Variants in RNF26 observed in about 807,000 individuals in gnomAD.
RNF26 encodes E3 ubiquitin-protein ligase RNF26.
In RNF26, 8 loss-of-function variants were observed where a neutral mutation model predicts 25.4. That is an observed-to-expected ratio of 0.31 (90% confidence interval 0.18 to 0.57). The LOEUF is 0.57. Ranked by LOEUF, RNF26 falls within the 20% of genes least tolerant of loss-of-function variation. RNF26 has a pLI of 0.90. For missense variants in RNF26, 470 were observed against 552.0 expected, an observed-to-expected ratio of 0.85 and a Z score of 1.49; for synonymous variants, 262 against 246.7, an observed-to-expected ratio of 1.06 and a Z score of -0.58.
Position 119,336,180 on chromosome 11 carries a change from G to A in RNF26, c.1058G>A (p.Arg353Gln), listed in dbSNP as rs1283818477. 4 of 1,614,110 alleles carry A rather than the reference G, an allele frequency of 2.5e-6. No individual in the cohort carries two copies. Among genetic ancestry groups the A allele is most frequent in the Non-Finnish European group, 3.4e-6 (4 of 1,180,028 alleles). ...RTIRVTPVRG[R>Q]ERLNEEEPPG... ...ATCAGAGTGACACCTGTCAGGGGCC[G>A]AGAGAGGCTCAATGAGGAGGAGCCT... The change falls in exon 1 of 1, where the codon CGA becomes CAA. Residue 353 changes from arginine to glutamine, a missense_variant. Transcript: ENST00000311413.
In RNF26 at chr11:119,335,772, C is replaced by T; in HGVS notation, c.650C>T (p.Ala217Val). 1 of 1,614,120 alleles carries T rather than the reference C, an allele frequency of 6.2e-7. No homozygotes were observed. The highest frequency in any genetic ancestry group is 2.2e-5 in the East Asian group (1 of 44,884). The change falls in exon 1 of 1, where the codon GCC (alanine) becomes GTC (valine). Residue 217 changes from alanine (A) to valine (V), a missense_variant. Physicochemically the swap from Ala to Val is moderately conservative, Grantham distance 64. Coordinates refer to ENST00000311413, the MANE Select transcript of RNF26 (RefSeq NM_032015.5). ...GCCCTGGAGCTGCTGGCCTCAGCTG[C>T]CCGCCTCCTGGCCAGCTTTGTGCTT... ...QLALELLASA[A>V]RLLASFVLVN... is the part of the protein sequence containing the mutation.
Position 119,335,080 on chromosome 11 carries a change from G to T in RNF26, c.-43G>T, listed in dbSNP as rs1283635876. The T allele has an allele frequency of 6.6e-7, 1 of 1,520,880 alleles. No individual in the cohort carries two copies. The highest frequency in any genetic ancestry group is 1.2e-5 in the South Asian group (1 of 84,594). 94.2% of individuals were successfully genotyped at this position (1,520,880 alleles called of 1,614,324 possible). A position where few individuals can be genotyped will look rare whatever the true frequency, so the allele number is the denominator to read the frequency against. ...TGACAACCTTGACAACCCCCCAACCGAGGAGCCAGACTTTGTTTTGGACTA... is the reference window on the plus strand; with the variant it reads ...TGACAACCTTGACAACCCCCCAACCTAGGAGCCAGACTTTGTTTTGGACTA... On this transcript the variant is annotated 5_prime_UTR_variant, in exon 1 of 1. Coordinates refer to ENST00000311413, the MANE Select transcript of RNF26 (RefSeq NM_032015.5).
At position 119,335,908 on chromosome 11, in the gene RNF26, T is replaced by C. The variant is rs1334805728; in HGVS notation, c.786T>C (p.His262=). ...RLATQALSQL[H]ARPSYHRLRE... is the part of the protein sequence containing the mutation. The stretch of plus-strand genomic sequence containing the variant: ...CTACCCAGGCACTCAGCCAGCTCCA[T>C]GCCCGGCCATCCTACCACCGTCTTC... The change falls in exon 1 of 1, where the codon CAT becomes CAC. Residue 262 remains histidine, a synonymous_variant. Transcript: ENST00000311413. The C allele has an allele frequency of 6.2e-7, 1 of 1,610,058 alleles. No individual in the cohort carries two copies. The highest frequency in any genetic ancestry group is 8.5e-7 in the Non-Finnish European group (1 of 1,179,998).
chr11:119,335,343 G>A lies in RNF26; in HGVS notation c.221G>A (p.Arg74Gln), dbSNP rs780394425. 1.9e-5 allele frequency: 30 copies of A among 1,614,058 alleles called. No homozygotes were observed. The South Asian group carries it at 2.5e-4, about 14-fold the overall frequency. The change falls in exon 1 of 1, where the codon CGG (arginine) becomes CAG (glutamine). Residue 74 changes from arginine to glutamine, a missense_variant. Transcript: ENST00000311413. ...SLLALIEAVV[R>Q]FTCGGLQALC... ...CTGGCCTTGATCGAAGCCGTGGTCCGGTTCACATGTGGGGGCTTGCAGGCC... is the reference window on the plus strand; with the variant it reads ...CTGGCCTTGATCGAAGCCGTGGTCCAGTTCACATGTGGGGGCTTGCAGGCC...
chr11:119,336,161 G>A lies in RNF26; in HGVS notation c.1039G>A (p.Val347Met). Residue 347 changes from valine (V) to methionine (M), a missense_variant, in exon 1 of 1, where the codon GTG becomes ATG. By Grantham distance (21) the Val-to-Met change is conservative. Transcript: ENST00000311413. ...AGAGGAGGAGGCCAGGACCATCAGAGTGACACCTGTCAGGGGCCGAGAGAG... is the reference window on the plus strand; with the variant it reads ...AGAGGAGGAGGCCAGGACCATCAGAATGACACCTGTCAGGGGCCGAGAGAG... Reference protein sequence around the residue: ...AEEEEARTIRVTPVRGRERLN... With the variant: ...AEEEEARTIRMTPVRGRERLN... 1 of 1,614,198 alleles carries A rather than the reference G, an allele frequency of 6.2e-7. No homozygotes were observed. Among genetic ancestry groups the A allele is most frequent in the Admixed American group, 1.7e-5 (1 of 60,038 alleles).
In RNF26 at chr11:119,335,686, A is replaced by G. The variant is rs1317014359; in HGVS notation, c.564A>G (p.Leu188=). ...TGACGGACGTAGTGGCTGCCTTCCTAGCCCACATTTCCAGCAGTGCTGTGG... is the reference window on the plus strand; with the variant it reads ...TGACGGACGTAGTGGCTGCCTTCCTGGCCCACATTTCCAGCAGTGCTGTGG... ...WRMTDVVAAF[L]AHISSSAVAM... Residue 188 remains leucine (L), a synonymous_variant, in exon 1 of 1, where the codon CTA becomes CTG. Coordinates refer to ENST00000311413, the MANE Select transcript of RNF26 (RefSeq NM_032015.5). 6.2e-7 allele frequency: 1 copy of G among 1,614,126 alleles called. No homozygotes were observed. The highest frequency in any genetic ancestry group is 8.5e-7 in the Non-Finnish European group (1 of 1,179,988).
Position 119,336,154 on chromosome 11 carries a change from C to T in RNF26, c.1032C>T (p.Thr344=). 6.2e-7 allele frequency: 1 copy of T among 1,614,178 alleles called. No individual in the cohort carries two copies. The highest frequency in any genetic ancestry group is 8.5e-7 in the Non-Finnish European group (1 of 1,180,042). Residue 344 remains threonine, a synonymous_variant, in exon 1 of 1, where the codon ACC becomes ACT. Coordinates refer to ENST00000311413, the MANE Select transcript of RNF26 (RefSeq NM_032015.5). ...RSEAEEEEAR[T]IRVTPVRGRE... Reference sequence around the variant, plus strand: ...AGGCAGAAGAGGAGGAGGCCAGGACCATCAGAGTGACACCTGTCAGGGGCC... The same window carrying T: ...AGGCAGAAGAGGAGGAGGCCAGGACTATCAGAGTGACACCTGTCAGGGGCC...
Position 119,334,572 on chromosome 11 carries a change from T to C in RNF26, c.-551T>C. 6.2e-6 allele frequency: 1 copy of C among 162,172 alleles called. No homozygotes were observed. 10.0% of individuals were successfully genotyped at this position (162,172 alleles called of 1,614,324 possible). ...GCGGAGTAGGGGCTGCGCTTGGGGT[T>C]TGCTGAAGCTGGCTGCCTCTCCCAC... On this transcript the variant is annotated 5_prime_UTR_variant, in exon 1 of 1. Transcript: ENST00000311413.
In RNF26 at chr11:119,335,957, C is replaced by T. The variant is rs150176910; in HGVS notation, c.835C>T (p.Arg279Cys). 3.5e-5 allele frequency: 57 copies of T among 1,611,646 alleles called. No homozygotes were observed. Among genetic ancestry groups the T allele is most frequent in the Admixed American group, 2.0e-4 (12 of 60,032 alleles). ...TCGAGAGGATGTCATGCGGCTCTCT[C>T]GCCTAGCACTGGGCTCAGAGGCCTG... ...RLREDVMRLS[R>C]LALGSEAWRR... The change falls in exon 1 of 1, where the codon CGC becomes TGC. Residue 279 changes from arginine (R) to cysteine (C), a missense_variant. Coordinates refer to ENST00000311413, the MANE Select transcript of RNF26 (RefSeq NM_032015.5).
chr11:119,335,218 C>T lies in RNF26; in HGVS notation c.96C>T (p.Leu32=), dbSNP rs746038877. Residue 32 remains leucine, a synonymous_variant, in exon 1 of 1, where the codon CTC becomes CTT. Coordinates refer to ENST00000311413, the MANE Select transcript of RNF26 (RefSeq NM_032015.5). ...LDLNFLLVSS[L]LASLAWLLAF... ...TCAACTTCCTGCTGGTGTCCTCCCT[C>T]CTGGCTTCCCTGGCCTGGCTCCTGG... 4.3e-6 allele frequency: 7 copies of T among 1,614,076 alleles called. No individual in the cohort carries two copies. The highest frequency in any genetic ancestry group is 5.9e-6 in the Non-Finnish European group (7 of 1,180,056).
At position 119,335,138 on chromosome 11, in the gene RNF26, C is replaced by A; in HGVS notation, c.16C>A (p.Leu6Met). Residue 6 changes from leucine to methionine, a missense_variant, in exon 1 of 1, where the codon CTG becomes ATG. Coordinates refer to ENST00000311413, the MANE Select transcript of RNF26 (RefSeq NM_032015.5). MEAVYLVVNGLGLVLD... is the reference protein window; with the variant it reads MEAVYMVVNGLGLVLD... Reference sequence around the variant, plus strand: ...TAGCCCTATCATGGAGGCAGTGTACCTGGTAGTGAATGGGTTGGGCCTGGT... The same window carrying A: ...TAGCCCTATCATGGAGGCAGTGTACATGGTAGTGAATGGGTTGGGCCTGGT... The A allele has an allele frequency of 1.2e-6, 2 of 1,613,742 alleles. No homozygotes were observed. The highest frequency in any genetic ancestry group is 1.3e-5 in the African/African-American group (1 of 75,034).
chr11:119,334,969 C>T lies in RNF26; in HGVS notation c.-154C>T. ...CTACCAAGACTCCACTTCCGTCTTA[C>T]CCACTTCTTCCTCAGATTCTTGGTA... On this transcript the variant is annotated 5_prime_UTR_variant, in exon 1 of 1. Coordinates refer to ENST00000311413, the MANE Select transcript of RNF26 (RefSeq NM_032015.5). 2 of 628,294 alleles carry T rather than the reference C, an allele frequency of 3.2e-6. No homozygotes were observed. The highest frequency in any genetic ancestry group is 3.9e-5 in the South Asian group (2 of 50,904). 38.9% of individuals were successfully genotyped at this position (628,294 alleles called of 1,614,324 possible). A position where few individuals can be genotyped will look rare whatever the true frequency, so the allele number is the denominator to read the frequency against.
In RNF26 at chr11:119,336,221, C is replaced by T; in HGVS notation, c.1099C>T (p.Pro367Ser). The change falls in exon 1 of 1, where the codon CCT becomes TCT. Residue 367 changes from proline to serine, a missense_variant. Pro to Ser is a moderately conservative substitution (Grantham distance 74, BLOSUM62 -1). Coordinates refer to ENST00000311413, the MANE Select transcript of RNF26 (RefSeq NM_032015.5). ...GGAGGAGCCTCCAGGTGGGCAAGACCCTTGGAAATTGCTGAAGGAGCAAGA... is the reference window on the plus strand; with the variant it reads ...GGAGGAGCCTCCAGGTGGGCAAGACTCTTGGAAATTGCTGAAGGAGCAAGA... ...NEEEPPGGQD[P>S]WKLLKEQEER... is the part of the protein sequence containing the mutation. 6.2e-7 allele frequency: 1 copy of T among 1,614,004 alleles called. No individual in the cohort carries two copies. The highest frequency in any genetic ancestry group is 1.1e-5 in the South Asian group (1 of 91,086).
In RNF26 at chr11:119,335,519, G is replaced by T. The variant is rs1363930793; in HGVS notation, c.397G>T (p.Ala133Ser). 1.9e-6 allele frequency: 3 copies of T among 1,613,718 alleles called. No homozygotes were observed. The highest frequency in any genetic ancestry group is 1.7e-6 in the Non-Finnish European group (2 of 1,179,898). ...CAGTGGCCATGCTTTGCTGCGCCAG[G>T]CCTGTGACATCTGTGCCATTGCCAT... ...VSSGHALLRQ[A>S]CDICAIAMSL... The change falls in exon 1 of 1, where the codon GCC becomes TCC. Residue 133 changes from alanine to serine, a missense_variant. By Grantham distance (99) the Ala-to-Ser change is moderately conservative. Transcript: ENST00000311413.
Position 119,336,058 on chromosome 11 carries a change from T to G in RNF26, c.936T>G (p.Gly312=), listed in dbSNP as rs1291523896. Reference sequence around the variant, plus strand: ...GAGGGGCACCTGGAGCTCCCCAGGGTGACCCTATGAGGGTATTCTCAGTTA... The same window carrying G: ...GAGGGGCACCTGGAGCTCCCCAGGGGGACCCTATGAGGGTATTCTCAGTTA... ...NRGGAPGAPQ[G]DPMRVFSVRT... Residue 312 remains glycine, a synonymous_variant, in exon 1 of 1, where the codon GGT becomes GGG. Coordinates refer to ENST00000311413, the MANE Select transcript of RNF26 (RefSeq NM_032015.5). The G allele has an allele frequency of 6.2e-7, 1 of 1,613,902 alleles. No individual in the cohort carries two copies. The highest frequency in any genetic ancestry group is 1.1e-5 in the South Asian group (1 of 91,084).
rs753366689 is a variant in RNF26 at position 119,335,900 on chromosome 11, C to G, written c.778C>G (p.Gln260Glu). The change falls in exon 1 of 1, where the codon CAG becomes GAG. Residue 260 changes from glutamine (Q) to glutamate (E), a missense_variant. Transcript: ENST00000311413. ...TLRLATQALS[Q>E]LHARPSYHRL... ...GAGGCTGGCTACCCAGGCACTCAGC[C>G]AGCTCCATGCCCGGCCATCCTACCA... 4.0e-5 allele frequency: 64 copies of G among 1,609,846 alleles called. No individual in the cohort carries two copies. Among genetic ancestry groups the G allele is most frequent in the African/African-American group, 5.3e-5 (4 of 74,956 alleles).
In RNF26 at chr11:119,335,687, G is replaced by T; in HGVS notation, c.565G>T (p.Ala189Ser). The change falls in exon 1 of 1, where the codon GCC (alanine) becomes TCC (serine). Residue 189 changes from alanine to serine, a missense_variant. Coordinates refer to ENST00000311413, the MANE Select transcript of RNF26 (RefSeq NM_032015.5). ...GACGGACGTAGTGGCTGCCTTCCTAGCCCACATTTCCAGCAGTGCTGTGGC... is the reference window on the plus strand; with the variant it reads ...GACGGACGTAGTGGCTGCCTTCCTATCCCACATTTCCAGCAGTGCTGTGGC... Reference protein sequence around the residue: ...RMTDVVAAFLAHISSSAVAMA... With the variant: ...RMTDVVAAFLSHISSSAVAMA... The T allele has an allele frequency of 6.2e-7, 1 of 1,614,138 alleles. No individual in the cohort carries two copies. Among genetic ancestry groups the T allele is most frequent in the South Asian group, 1.1e-5 (1 of 91,088 alleles).
At position 119,336,770 on chromosome 11, in the gene RNF26, A is replaced by C; in HGVS notation, c.*346A>C. 1 of 314,588 alleles carries C rather than the reference A, an allele frequency of 3.2e-6. No homozygotes were observed. Among genetic ancestry groups the C allele is most frequent in the Non-Finnish European group, 6.2e-6 (1 of 160,096 alleles). 19.5% of individuals were successfully genotyped at this position (314,588 alleles called of 1,614,324 possible). On this transcript the variant is annotated 3_prime_UTR_variant, in exon 1 of 1. Transcript: ENST00000311413. ...CTTCTGGTTTTTCTGTTGGAGATCT[A>C]TAGGTCCTTTTCCTGCCTCCTTCAC... is the stretch of plus-strand genomic sequence containing the variant.
rs768314522 is a variant in RNF26, at chr11:119,335,593, C to T, written c.471C>T (p.Ile157=). ...ACAGCCTGGTCAACATCTGCCTCATCGGCACTCAGAACCTCTTTTCCCTGG... is the reference window on the plus strand; with the variant it reads ...ACAGCCTGGTCAACATCTGCCTCATTGGCACTCAGAACCTCTTTTCCCTGG... ...VINSLVNICL[I]GTQNLFSLVL... The change falls in exon 1 of 1, where the codon ATC becomes ATT. Residue 157 remains isoleucine (I), a synonymous_variant. Coordinates refer to ENST00000311413, the MANE Select transcript of RNF26 (RefSeq NM_032015.5). The T allele has an allele frequency of 1.3e-5, 21 of 1,612,946 alleles. No homozygotes were observed. The highest frequency in any genetic ancestry group is 5.5e-5 in the South Asian group (5 of 90,980).
Sources: gnomAD v4.1 joint callset for allele counts on GRCh38, gnomAD v4.1.1 for gene constraint, MANE v1.5 for transcripts, NCBI Gene and HGNC (gene_info 2026-07-23, HGNC 2026-07-21) for gene names.